Variants in RALYL observed in about 807,000 individuals in gnomAD.
RALYL encodes RNA-binding Raly-like protein.
RALYL carries 29 observed loss-of-function variants against 35.1 expected under a neutral mutation model. That is an observed-to-expected ratio of 0.83 (90% CI 0.61 to 1.13). The LOEUF is 1.13. Among genes scored for constraint, RALYL ranks in the 50% most tolerant of loss-of-function variants. RALYL has a pLI of 0.00. For missense variants in RALYL, 359 were observed against 360.4 expected (o/e 1.00, Z 0.03); for synonymous variants, 120 against 127.6 (o/e 0.94, Z 0.40).
At chr8:84,737,123 A>G (rs1847458781) in intron 2 of RALYL, among the ~76,000 whole-genome samples, 1 of 152,098 alleles carries the variant, frequency 6.6e-6, no homozygotes, top group Non-Finnish European at 1.5e-5. Flanking sequence ...ATAGTGAGAA[A>G]GCCAAGACAG....
In RALYL at chr8:84,875,189, A is replaced by G. The variant is rs140408456; in HGVS notation, c.685+1792A>G. On this transcript the variant is annotated intron_variant, in intron 7 of 8. Coordinates refer to ENST00000521268, the MANE Select transcript of RALYL (RefSeq NM_173848.7). ...ATATTCTGTCATGTTGCCTAAATCA[A>G]TATTTCCCTTTGAGGAACTCTGTAA... Among the ~76,000 whole-genome samples, 593 of 152,334 alleles carry G rather than the reference A, an allele frequency of 3.9e-3. 6 individuals carry two copies. Among genetic ancestry groups the G allele is most frequent in the African/African-American group, 0.013 (556 of 41,582 alleles).
chr8:84,754,064 G>A (rs1032063941), intron 2 of RALYL, among the ~76,000 whole-genome samples: 10 of 151,684 alleles, frequency 6.6e-5, no homozygotes, highest in East Asian at 3.9e-4. Context: ...AGTAGGTTGC[G>A]AAAATTTTCT....
chr8:84,508,761 T>C (rs936907477), intron 1 of RALYL, among the ~76,000 whole-genome samples: 1 of 152,030 alleles, frequency 6.6e-6, no homozygotes, highest in African/African-American at 2.4e-5. Context: ...GAATACAACG[T>C]TGTTAAACAT....
At chr8:84,630,195 G>C (rs749986010) in intron 2 of RALYL, among the ~76,000 whole-genome samples, 6 of 151,914 alleles carry the variant, frequency 3.9e-5, no homozygotes, top group African/African-American at 7.2e-5. Flanking sequence ...TGAGTAGAAG[G>C]CTCTGAAAAT....
chr8:84,540,125 A>AGT (rs2059924546), intron 2 of RALYL, among the ~76,000 whole-genome samples: 3 of 151,702 alleles, frequency 2.0e-5, no homozygotes, highest in Non-Finnish European at 4.4e-5. Flanking sequence ...TAGATTTTTA[A>AGT]ACCAGTGTAT....
intron 1 of RALYL, among the ~76,000 whole-genome samples, chr8:84,312,762 C>T (rs977677182): frequency 1.3e-5 from 2 of 152,208 alleles, no homozygotes; most frequent in Admixed American, 6.5e-5. Context: ...CTTTCCTTTC[C>T]AGATGGCATT....
chr8:84,722,406 A>G (rs2132657494), intron 2 of RALYL, among the ~76,000 whole-genome samples: 1 of 151,850 alleles, frequency 6.6e-6, no homozygotes, highest in South Asian at 2.1e-4. Flanking sequence ...ACCAGGGTAA[A>G]GTGGCCAAGG....
chr8:84,435,164 G>A (rs553975028), intron 1 of RALYL, among the ~76,000 whole-genome samples: 7 of 152,098 alleles, frequency 4.6e-5, no homozygotes, highest in Non-Finnish European at 7.4e-5. Flanking sequence ...TCTTTGATGT[G>A]GAGGATTCTG....
intron 1 of RALYL, among the ~76,000 whole-genome samples, chr8:84,423,554 A>G (rs1490661751): frequency 6.6e-6 from 1 of 151,406 alleles, no homozygotes; most frequent in Non-Finnish European, 1.5e-5. Flanking sequence ...TTTATATTTA[A>G]ATTTAATATT....
chr8:84,708,643 A>C (rs984058743), intron 2 of RALYL, among the ~76,000 whole-genome samples: 2 of 152,166 alleles, frequency 1.3e-5, no homozygotes, highest in Non-Finnish European at 2.9e-5. Flanking sequence ...TTTTGAGTCC[A>C]TTTAAATACT....
intron 1 of RALYL, among the ~76,000 whole-genome samples, chr8:84,497,630 G>GTTTTTTTTTTTTTTT (rs1181968193): frequency 8.4e-6 from 1 of 119,124 alleles, no homozygotes; most frequent in African/African-American, 3.2e-5. Context: ...TTTTTTTGTT[G>GTTTTTTTTTTTTTTT]TTTTTGTTTT....
chr8:84,589,775 A>G (rs1293466582), intron 2 of RALYL, among the ~76,000 whole-genome samples: 1 of 152,230 alleles, frequency 6.6e-6, no homozygotes, highest in East Asian at 1.9e-4. Flanking sequence ...TAAGAACGCT[A>G]AAAGGGGAAA....
rs73295648 is a variant in RALYL at position 84,217,345 on chromosome 8, C to T, written c.-24+32921C>T. Among the ~76,000 whole-genome samples, 947 of 152,002 alleles carry T rather than the reference C, an allele frequency of 6.2e-3. 14 individuals are homozygous for T. Among genetic ancestry groups the T allele is most frequent in the African/African-American group, 0.021 (862 of 41,480 alleles). On this transcript the variant is annotated intron_variant, in intron 1 of 8. Coordinates refer to ENST00000521268, the MANE Select transcript of RALYL (RefSeq NM_173848.7). ...GATTTCCAAAATAAAAATTGTCTAGCAAATACATATTAAAATGAATTTTGT... is the reference window on the plus strand; with the variant it reads ...GATTTCCAAAATAAAAATTGTCTAGTAAATACATATTAAAATGAATTTTGT...
intron 1 of RALYL, among the ~76,000 whole-genome samples, chr8:84,228,738 G>C (rs1316281319): frequency 6.6e-6 from 1 of 152,140 alleles, no homozygotes; most frequent in Admixed American, 6.6e-5. Context: ...GATCTGCATG[G>C]CTTGGGAGGC....
intron 2 of RALYL, among the ~76,000 whole-genome samples, chr8:84,582,387 G>T (rs1811033508): frequency 1.3e-5 from 2 of 151,820 alleles, no homozygotes; most frequent in African/African-American, 4.8e-5. Context: ...CAGTTCAAAT[G>T]CATGATCTGT....
intron 1 of RALYL, among the ~76,000 whole-genome samples, chr8:84,352,441 C>A (rs1423642150): frequency 2.0e-5 from 3 of 150,294 alleles, no homozygotes; most frequent in South Asian, 2.1e-4. Context: ...ATTTGAAGGG[C>A]CATTTAGGAT....
intron 1 of RALYL, among the ~76,000 whole-genome samples, chr8:84,468,044 T>G (rs1067019): frequency 7.0e-6 from 1 of 142,082 alleles, no homozygotes; most frequent in African/African-American, 2.7e-5. Flanking sequence ...TGTCTCTGCA[T>G]GTGAGATGGG....
At chr8:84,863,261 T>G (rs948611666) in intron 6 of RALYL, among the ~76,000 whole-genome samples, 1 of 152,038 alleles carries the variant, frequency 6.6e-6, no homozygotes, top group African/African-American at 2.4e-5. Context: ...CTAAAGGAAG[T>G]GAGGAAAAGA....
intron 4 of RALYL, among the ~76,000 whole-genome samples, chr8:84,833,123 A>G (rs1418460440): frequency 1.3e-5 from 2 of 151,944 alleles, no homozygotes; most frequent in Non-Finnish European, 2.9e-5. Context: ...AGCCCAAACA[A>G]CCTTATTTAA....
Sources: gnomAD v4.1 joint callset for allele counts (sites outside exome capture counted in the v4.1 genomes callset) on GRCh38, gnomAD v4.1.1 for gene constraint, MANE v1.5 for transcripts, NCBI Gene and HGNC (gene_info 2026-07-23, HGNC 2026-07-21) for gene names.